Variants in FLOT1 observed in about 807,000 individuals in gnomAD.
FLOT1 encodes the protein flotillin 1.
FLOT1 carries 40 observed loss-of-function variants against 58.4 expected under a neutral mutation model. That is an observed-to-expected ratio of 0.69 (90% CI 0.53 to 0.89). The LOEUF (loss-of-function observed/expected upper bound fraction) is 0.89, where lower values mean the gene tolerates loss of function less well. Among genes scored for constraint, FLOT1 ranks in the 40% least tolerant of loss-of-function variants. FLOT1 has a pLI of 0.00. For missense variants in FLOT1, 423 were observed against 540.8 expected (o/e 0.78, Z 2.16); for synonymous variants, 178 against 204.2 (o/e 0.87, Z 1.09).
intron 8 of FLOT1, among the ~76,000 whole-genome samples, chr6:30,739,431 G>A (rs1168615711): frequency 4.6e-5 from 7 of 151,300 alleles, no homozygotes; most frequent in African/African-American, 9.7e-5. Flanking sequence ...GTGCAATGGC[G>A]TGGTCTCAGC....
Position 30,737,233 on chromosome 6 carries a change from C to CGTCT in FLOT1, c.723+2924_723+2925insAGAC, listed in dbSNP as rs967367188. On this transcript the variant is annotated intron_variant, in intron 8 of 12. Transcript: ENST00000376389. This position sits in a 1 kb window ranked among gnomAD's most constrained non-coding sequence, Gnocchi z 4.4. ...TCGTCCGTCCGTCCGTCCGTCCGTC[C>CGTCT]GTCCGTCCGTCCGTCCATCCGTCCA... 2.0e-5 allele frequency among the ~76,000 whole-genome samples: 3 copies of CGTCT among 147,240 alleles called. No homozygotes were observed. The highest frequency in any genetic ancestry group is 1.4e-4 in the Admixed American group (2 of 14,484).
intron 8 of FLOT1, among the ~76,000 whole-genome samples, chr6:30,733,221 AG>A (rs1194556492): frequency 2.0e-5 from 3 of 151,792 alleles, no homozygotes; most frequent in Non-Finnish European, 4.4e-5. Context: ...TTTTTAATAG[AG>A]ATGGGGTTCC....
At position 30,742,072 on chromosome 6, in the gene FLOT1, A is replaced by G. The variant is rs1778032529; in HGVS notation, c.43+75T>C. ...GTCTGGTGCTGGGAAGTTGGTAGGG[A>G]GAGGGAGAAGGGGCAGAGGCCAGAC... On this transcript the variant is annotated intron_variant, in intron 2 of 12. Transcript: ENST00000376389. This position sits in a 1 kb window ranked among gnomAD's most constrained non-coding sequence, Gnocchi z 5.2. The G allele has an allele frequency of 1.6e-5, 23 of 1,476,062 alleles. No homozygotes were observed. Among genetic ancestry groups the G allele is most frequent in the Non-Finnish European group, 2.2e-5 (23 of 1,059,604 alleles). The allele number at this position is 1,476,062 out of a possible 1,614,324, so 91.4% of individuals were successfully genotyped here. A position where few individuals can be genotyped will look rare whatever the true frequency, so the allele number is the denominator to read the frequency against.
In FLOT1 at chr6:30,742,456, G is replaced by A. The variant is rs1778077909; in HGVS notation, c.-15+71C>T. On this transcript the variant is annotated intron_variant, in intron 1 of 12. Transcript: ENST00000376389. This position sits in a 1 kb window ranked among gnomAD's most constrained non-coding sequence, Gnocchi z 5.2. Reference sequence around the variant, plus strand: ...TTGATAAAGGTCCCCCGCGCCCAGAGGCCTGCAGACCTTTCCCCTCTCTCC... The same window carrying A: ...TTGATAAAGGTCCCCCGCGCCCAGAAGCCTGCAGACCTTTCCCCTCTCTCC... The A allele has an allele frequency of 1.8e-6, 1 of 567,558 alleles. No homozygotes were observed. The allele number at this position is 567,558 out of a possible 1,614,324, so 35.2% of individuals were successfully genotyped here.
At position 30,737,211 on chromosome 6, in the gene FLOT1, TCCGTC is replaced by T. The variant is rs1341046738; in HGVS notation, c.723+2942_723+2946del. The stretch of plus-strand genomic sequence containing the variant: ...TGACTGACTGACTGACTGTCTGTCG[TCCGTC>T]CGTCCGTCCGTCCGTCCGTCCGTCC... On this transcript the variant is annotated intron_variant, in intron 8 of 12. Transcript: ENST00000376389. This position sits in a 1 kb window ranked among gnomAD's most constrained non-coding sequence, Gnocchi z 4.4. Among the ~76,000 whole-genome samples, 2,539 of 76,120 alleles carry T rather than the reference TCCGTC, an allele frequency of 0.033. 38 individuals carry two copies. The highest frequency in any genetic ancestry group is 0.063 in the African/African-American group (1,369 of 21,740). The allele number at this position is 76,120 out of a possible 152,430, so 49.9% of individuals were successfully genotyped here.
chr6:30,728,823 C>T (rs1776935687), intron 12 of FLOT1, among the ~76,000 whole-genome samples: 1 of 151,756 alleles, frequency 6.6e-6, no homozygotes, highest in Non-Finnish European at 1.5e-5. Context: ...GCTCTGTTGC[C>T]TAGGATGGAG....
Position 30,741,972 on chromosome 6 carries a change from G to T in FLOT1, c.44-105C>A. On this transcript the variant is annotated intron_variant, in intron 2 of 12. Coordinates refer to ENST00000376389, the MANE Select transcript of FLOT1 (RefSeq NM_005803.4). This position sits in a 1 kb window ranked among gnomAD's most constrained non-coding sequence, Gnocchi z 5.9. ...GCAACCCACAGGAGAGAATCTGGGAGCTGGAGGGGAAGCAGTCTGGGCCTT... is the reference window on the plus strand; with the variant it reads ...GCAACCCACAGGAGAGAATCTGGGATCTGGAGGGGAAGCAGTCTGGGCCTT... 1.6e-6 allele frequency: 2 copies of T among 1,233,446 alleles called. No homozygotes were observed. The highest frequency in any genetic ancestry group is 2.4e-6 in the Non-Finnish European group (2 of 849,000). The allele number at this position is 1,233,446 out of a possible 1,614,324, so 76.4% of individuals were successfully genotyped here. A position where few individuals can be genotyped will look rare whatever the true frequency, so the allele number is the denominator to read the frequency against.
chr6:30,733,735 C>A (rs535893896), intron 8 of FLOT1, among the ~76,000 whole-genome samples: 2 of 110,878 alleles, frequency 1.8e-5, no homozygotes. Context: ...AGCAAAAATC[C>A]ATCTCAAAAA....
In FLOT1 at chr6:30,730,931, G is replaced by A. The variant is rs766726327; in HGVS notation, c.893C>T (p.Ala298Val). The A allele has an allele frequency of 1.2e-6, 2 of 1,612,816 alleles. No homozygotes were observed. Among genetic ancestry groups the A allele is most frequent in the Admixed American group, 1.7e-5 (1 of 59,948 alleles). Residue 298 changes from alanine to valine, a missense_variant, in exon 9 of 13, where the codon GCC becomes GTC. Around this residue, in one of 6 missense-constraint regions of FLOT1, gnomAD observed 106 missense variants for 88.4 expected, o/e 1.20. Coordinates refer to ENST00000376389, the MANE Select transcript of FLOT1 (RefSeq NM_005803.4). ...EAERYKLERL[A>V]EAEKSQLIMQ... ...AGGGGACATTTACTTCTCTGCCTCG[G>A]CTAGGCGCTCCAGCTTGTAGCGCTC...
In FLOT1 at chr6:30,727,956, C is replaced by A. The variant is rs955044582; in HGVS notation, c.*160G>T. ...AGTGTGAGGTTGGCAAGGGGAGCAA[C>A]CCCCTTCAAGACAAGGCACAAACTA... is the stretch of plus-strand genomic sequence containing the variant. On this transcript the variant is annotated 3_prime_UTR_variant, in exon 13 of 13. Coordinates refer to ENST00000376389, the MANE Select transcript of FLOT1 (RefSeq NM_005803.4). 1.7e-5 allele frequency: 12 copies of A among 720,216 alleles called. No individual in the cohort carries two copies. Among genetic ancestry groups the A allele is most frequent in the Non-Finnish European group, 2.2e-5 (9 of 401,540 alleles). 44.6% of individuals were successfully genotyped at this position (720,216 alleles called of 1,614,324 possible).
chr6:30,732,657 A>C (rs1017472655), intron 8 of FLOT1, among the ~76,000 whole-genome samples: 2 of 152,056 alleles, frequency 1.3e-5, no homozygotes, highest in Non-Finnish European at 2.9e-5. Flanking sequence ...CAGCCAGAAC[A>C]CATGCCTTCG....
In FLOT1 at chr6:30,728,150, C is replaced by CA. The variant is rs777523651; in HGVS notation, c.1255-6dup. 1.2e-6 allele frequency: 2 copies of CA among 1,612,714 alleles called. No homozygotes were observed. The highest frequency in any genetic ancestry group is 1.7e-6 in the Non-Finnish European group (2 of 1,179,860). On this transcript the variant is annotated splice_polypyrimidine_tract_variant and splice_region_variant and intron_variant, in intron 12 of 12. Transcript: ENST00000376389. ...TCTCAAAGGCTTGTGATTCACCTGG[C>CA]AAAAAGACAACAGTAGATGACACTT...
intron 8 of FLOT1, among the ~76,000 whole-genome samples, chr6:30,739,824 G>A (rs1022287250): frequency 2.0e-5 from 3 of 151,914 alleles, no homozygotes; most frequent in African/African-American, 7.3e-5. Context: ...GCCATGCCTG[G>A]CTAATGTTTG....
At chr6:30,728,476 CT>C (rs1174440649) in intron 12 of FLOT1, among the ~76,000 whole-genome samples, 19 of 138,654 alleles carry the variant, frequency 1.4e-4, no homozygotes, top group Non-Finnish European at 1.6e-4. Flanking sequence ...TTTTTTTTTT[CT>C]TTTTTTTTTT....
In FLOT1 at chr6:30,730,957, C is replaced by T; in HGVS notation, c.867G>A (p.Ala289=). 1 of 1,613,942 alleles carries T rather than the reference C, an allele frequency of 6.2e-7. No homozygotes were observed. Among genetic ancestry groups the T allele is most frequent in the Non-Finnish European group, 8.5e-7 (1 of 1,179,948 alleles). Residue 289 remains alanine (A), a synonymous_variant, in exon 9 of 13, where the codon GCG becomes GCA. Coordinates refer to ENST00000376389, the MANE Select transcript of FLOT1 (RefSeq NM_005803.4). ...CTAGGCGCTCCAGCTTGTAGCGCTC[C>T]GCTTCCGCTGGCTTCCGCACCCGGG... ...LEARVRKPAE[A]ERYKLERLAE...
chr6:30,728,971 G>T (rs1776949705), intron 12 of FLOT1, among the ~76,000 whole-genome samples: 1 of 151,942 alleles, frequency 6.6e-6, no homozygotes, highest in Admixed American at 6.6e-5. Context: ...GTAGAGACGG[G>T]GTTTCACTGT....
At position 30,728,045 on chromosome 6, in the gene FLOT1, G is replaced by C. The variant is rs1020622540; in HGVS notation, c.*71C>G. 1 of 1,394,976 alleles carries C rather than the reference G, an allele frequency of 7.2e-7. No homozygotes were observed. Among genetic ancestry groups the C allele is most frequent in the African/African-American group, 1.4e-5 (1 of 70,472 alleles). The allele number at this position is 1,394,976 out of a possible 1,614,324, so 86.4% of individuals were successfully genotyped here. A position where few individuals can be genotyped will look rare whatever the true frequency, so the allele number is the denominator to read the frequency against. On this transcript the variant is annotated 3_prime_UTR_variant, in exon 13 of 13. Transcript: ENST00000376389. Reference sequence around the variant, plus strand: ...ATGGACATGCTCAGGGAGGCCAGTGGGTTACATGCAACAGGAGGATCATTC... The same window carrying C: ...ATGGACATGCTCAGGGAGGCCAGTGCGTTACATGCAACAGGAGGATCATTC...
intron 7 of FLOT1, 52 bp downstream of exon 7, chr6:30,740,434 GCTTCTTCTCA>G: frequency 6.3e-7 from 1 of 1,589,150 alleles, no homozygotes; most frequent in Non-Finnish European, 8.6e-7. Flanking sequence ...CAGCACCCCT[GCTTCTTCTCA>G]GTTGTGCCAC....
rs377432345 is a variant in FLOT1, at chr6:30,742,323, C to A, written c.-14-120G>T. ...AGTCTGCATCCGCCACGGCCCGTCC[C>A]TTCTACACCCATGGGTCCGCTAAGG... On this transcript the variant is annotated intron_variant, in intron 1 of 12. Transcript: ENST00000376389. This position sits in a 1 kb window ranked among gnomAD's most constrained non-coding sequence, Gnocchi z 5.2. 135 of 804,676 alleles carry A rather than the reference C, an allele frequency of 1.7e-4. 5 individuals carry two copies. Among genetic ancestry groups the A allele is most frequent in the East Asian group, 6.9e-4 (28 of 40,548 alleles). The allele number at this position is 804,676 out of a possible 1,614,324, so 49.8% of individuals were successfully genotyped here.
Sources: allele counts gnomAD v4.1 joint callset (sites outside exome capture counted in the v4.1 genomes callset), GRCh38; gene constraint gnomAD v4.1.1; regional missense constraint gnomAD v4.1.1; non-coding constraint Gnocchi (gnomAD v3.1); transcripts MANE v1.5; gene names NCBI Gene and HGNC (gene_info 2026-07-23, HGNC 2026-07-21).